Variants in SLC26A2 observed in about 807,000 individuals in gnomAD.
The protein encoded by SLC26A2 is sulfate transporter.
Under a neutral mutation model 41.1 loss-of-function variants are expected in SLC26A2, and 36 were observed. The observed-to-expected ratio is 0.88, with a 90% CI of 0.67 to 1.16. The LOEUF (loss-of-function observed/expected upper bound fraction) is 1.16, where lower values mean the gene tolerates loss of function less well. Ranked by LOEUF, SLC26A2 falls within the 50% of genes most tolerant of loss-of-function variation. The pLI is 0.00. For missense variants in SLC26A2, 796 were observed against 869.6 expected (o/e 0.92, Z 1.07); for synonymous variants, 291 against 311.6 (o/e 0.93, Z 0.70).
In SLC26A2 at chr5:149,982,806, G is replaced by A. The variant is rs1156427067; in HGVS notation, c.*993G>A. On this transcript the variant is annotated 3_prime_UTR_variant, in exon 3 of 3. Transcript: ENST00000286298. ...AGTCACCTAAAGCTATTATGCAGGAGGATTTAGAAGTCACATTCATAAAAC... is the reference window on the plus strand; with the variant it reads ...AGTCACCTAAAGCTATTATGCAGGAAGATTTAGAAGTCACATTCATAAAAC... 6.6e-6 allele frequency: 1 copy of A among 152,096 alleles called. No homozygotes were observed. The highest frequency in any genetic ancestry group is 1.5e-5 in the Non-Finnish European group (1 of 68,028). The allele number at this position is 152,096 out of a possible 1,614,324, so 9.4% of individuals were successfully genotyped here. A position where few individuals can be genotyped will look rare whatever the true frequency, so the allele number is the denominator to read the frequency against.
In SLC26A2 at chr5:149,986,336, C is replaced by T. The variant is rs1401042870; in HGVS notation, c.*4523C>T. On this transcript the variant is annotated 3_prime_UTR_variant, in exon 3 of 3. Coordinates refer to ENST00000286298, the MANE Select transcript of SLC26A2 (RefSeq NM_000112.4). ...CAATCATTAACTTGGTTGCTAATTA[C>T]AAGAATGAAAATTATAATGGAAAAG... 4 of 151,072 alleles carry T rather than the reference C, an allele frequency of 2.6e-5. No homozygotes were observed. The highest frequency in any genetic ancestry group is 5.9e-5 in the Non-Finnish European group (4 of 67,832). The allele number at this position is 151,072 out of a possible 1,614,324, so 9.4% of individuals were successfully genotyped here.
chr5:149,980,727 A>C lies in SLC26A2; in HGVS notation c.1134A>C (p.Leu378=), dbSNP rs760557912. 1 of 1,613,880 alleles carries C rather than the reference A, an allele frequency of 6.2e-7. No homozygotes were observed. Among genetic ancestry groups the C allele is most frequent in the Non-Finnish European group, 8.5e-7 (1 of 1,179,912 alleles). ...FMPPKVPEWN[L]IPSVAVDAIA... ...CACCCAAAGTACCAGAATGGAACCTAATTCCTAGTGTGGCTGTAGATGCAA... is the reference window on the plus strand; with the variant it reads ...CACCCAAAGTACCAGAATGGAACCTCATTCCTAGTGTGGCTGTAGATGCAA... Residue 378 remains leucine, a synonymous_variant, in exon 3 of 3, where the codon CTA becomes CTC. Coordinates refer to ENST00000286298, the MANE Select transcript of SLC26A2 (RefSeq NM_000112.4).
In SLC26A2 at chr5:149,984,217, C is replaced by G. The variant is rs1755154094; in HGVS notation, c.*2404C>G. The G allele has an allele frequency of 6.6e-6, 1 of 152,242 alleles. No individual in the cohort carries two copies. Among genetic ancestry groups the G allele is most frequent in the Admixed American group, 6.5e-5 (1 of 15,282 alleles). The allele number at this position is 152,242 out of a possible 1,614,324, so 9.4% of individuals were successfully genotyped here. A position where few individuals can be genotyped will look rare whatever the true frequency, so the allele number is the denominator to read the frequency against. On this transcript the variant is annotated 3_prime_UTR_variant, in exon 3 of 3. Coordinates refer to ENST00000286298, the MANE Select transcript of SLC26A2 (RefSeq NM_000112.4). ...AAGAGATTCTGCTTTTGGTAGCCAT[C>G]TGTAGAAACATTTAAGATGTCACTA...
chr5:149,962,590 T>C (rs926553684), intron 1 of SLC26A2, among the ~76,000 whole-genome samples: 1 of 152,178 alleles, frequency 6.6e-6, no homozygotes, highest in Non-Finnish European at 1.5e-5. Flanking sequence ...CCTCCTGCCT[T>C]GGCCTTCCAA....
rs1755020721 is a variant in SLC26A2 at position 149,977,898 on chromosome 5, A to T, written c.246A>T (p.Pro82=). The change falls in exon 2 of 3, where the codon CCA becomes CCT. Residue 82 remains proline (P), a synonymous_variant. Transcript: ENST00000286298. The stretch of plus-strand genomic sequence containing the variant: ...TGCAGAAGAATTGCCAGTGCAGTCC[A>T]GCCAAAGCCAAAAATATGATTTTAG... The part of the protein sequence containing the change: ...KKLQKNCQCS[P]AKAKNMILGF... The T allele has an allele frequency of 6.2e-7, 1 of 1,614,138 alleles. No individual in the cohort carries two copies. The highest frequency in any genetic ancestry group is 8.5e-7 in the Non-Finnish European group (1 of 1,180,034).
At chr5:149,970,330 A>G (rs911990880) in intron 1 of SLC26A2, among the ~76,000 whole-genome samples, 12 of 152,130 alleles carry the variant, frequency 7.9e-5, no homozygotes, top group Admixed American at 2.0e-4. Context: ...AAACATAGCA[A>G]GACCCTGTCT....
Position 149,985,194 on chromosome 5 carries a change from TGAG to T in SLC26A2, c.*3385_*3387del, listed in dbSNP as rs1214486801. On this transcript the variant is annotated 3_prime_UTR_variant, in exon 3 of 3. Transcript: ENST00000286298. ...ACAGATTCACCAAAGCTGAAAGGGC[TGAG>T]GAGCTCATGGTAGCCTGGGCTGACC... is the stretch of plus-strand genomic sequence containing the variant. 1 of 152,250 alleles carries T rather than the reference TGAG, an allele frequency of 6.6e-6. No homozygotes were observed. The highest frequency in any genetic ancestry group is 2.4e-5 in the African/African-American group (1 of 41,450). The allele number at this position is 152,250 out of a possible 1,614,324, so 9.4% of individuals were successfully genotyped here.
rs1427588108 is a variant in SLC26A2, at chr5:149,982,800, G to A, written c.*987G>A. On this transcript the variant is annotated 3_prime_UTR_variant, in exon 3 of 3. Coordinates refer to ENST00000286298, the MANE Select transcript of SLC26A2 (RefSeq NM_000112.4). ...TCTTCAAGTCACCTAAAGCTATTATGCAGGAGGATTTAGAAGTCACATTCA... is the reference window on the plus strand; with the variant it reads ...TCTTCAAGTCACCTAAAGCTATTATACAGGAGGATTTAGAAGTCACATTCA... 6.6e-6 allele frequency: 1 copy of A among 152,188 alleles called. No homozygotes were observed. The highest frequency in any genetic ancestry group is 2.4e-5 in the African/African-American group (1 of 41,442). The allele number at this position is 152,188 out of a possible 1,614,324, so 9.4% of individuals were successfully genotyped here.
intron 1 of SLC26A2, among the ~76,000 whole-genome samples, chr5:149,971,589 G>A (rs1009941891): frequency 3.3e-5 from 5 of 151,970 alleles, no homozygotes; most frequent in African/African-American, 1.2e-4. Flanking sequence ...TAGTAGAAAT[G>A]GGTTTTCATC....
At position 149,981,895 on chromosome 5, in the gene SLC26A2, T is replaced by C; in HGVS notation, c.*82T>C. On this transcript the variant is annotated 3_prime_UTR_variant, in exon 3 of 3. Transcript: ENST00000286298. ...CATTTCCCAGTTCCACAGTGGGAAA[T>C]TTTGCACACTTGAAATTTTAACCAA... 1 of 1,089,154 alleles carries C rather than the reference T, an allele frequency of 9.2e-7. No individual in the cohort carries two copies. The highest frequency in any genetic ancestry group is 1.4e-6 in the Non-Finnish European group (1 of 738,392). The allele number at this position is 1,089,154 out of a possible 1,614,324, so 67.5% of individuals were successfully genotyped here.
chr5:149,961,039 C>G (rs1018835598), intron 1 of SLC26A2, 60 bp downstream of exon 1: 45 of 152,266 alleles, frequency 3.0e-4, no homozygotes, highest in African/African-American at 1.1e-3. Flanking sequence ...GCCAAGCGGT[C>G]AGCGGGCCCC....
At chr5:149,971,085 T>C (rs245076) in intron 1 of SLC26A2, among the ~76,000 whole-genome samples, 41,509 of 152,144 alleles carry the variant, frequency 0.27, 5,713 homozygotes, top group South Asian at 0.41. Flanking sequence ...CAGGCCCATT[T>C]AACACAGATG....
chr5:149,962,470 C>A (rs1266613202), intron 1 of SLC26A2, among the ~76,000 whole-genome samples: 1 of 151,944 alleles, frequency 6.6e-6, no homozygotes, highest in African/African-American at 2.4e-5. Flanking sequence ...TCCTGAGTAG[C>A]TGGAACCACA....
At position 149,977,729 on chromosome 5, in the gene SLC26A2, G is replaced by T; in HGVS notation, c.77G>T (p.Gly26Val). The T allele has an allele frequency of 6.2e-7, 1 of 1,613,926 alleles. No homozygotes were observed. The highest frequency in any genetic ancestry group is 8.5e-7 in the Non-Finnish European group (1 of 1,179,876). Residue 26 changes from glycine (G) to valine (V), a missense_variant, in exon 2 of 3, where the codon GGG becomes GTG. Transcript: ENST00000286298. ...SAEGNDSYPS[G>V]IHLELQRESS... is the part of the protein sequence containing the mutation. ...GAAGGAAATGACAGTTATCCATCTG[G>T]GATCCATCTGGAACTTCAAAGGGAA... is the stretch of plus-strand genomic sequence containing the variant.
intron 2 of SLC26A2, among the ~76,000 whole-genome samples, chr5:149,979,708 C>A (rs1312726622): frequency 1.4e-5 from 2 of 146,040 alleles, no homozygotes; most frequent in African/African-American, 5.1e-5. Context: ...AGAATGGTTT[C>A]TTAGTATGAG....
chr5:149,978,986 G>T (rs561326567), intron 2 of SLC26A2, among the ~76,000 whole-genome samples: 6 of 152,038 alleles, frequency 3.9e-5, no homozygotes, highest in Non-Finnish European at 8.8e-5. Context: ...CCAAAGTGCT[G>T]GGATTATAGC....
At chr5:149,971,769 T>C (rs187601041) in intron 1 of SLC26A2, among the ~76,000 whole-genome samples, 1 of 152,348 alleles carries the variant, frequency 6.6e-6, no homozygotes, top group East Asian at 1.9e-4. Flanking sequence ...AAATATTAGT[T>C]GCTTTAGTGG....
intron 1 of SLC26A2, among the ~76,000 whole-genome samples, chr5:149,964,941 A>C (rs1039513427): frequency 6.6e-6 from 1 of 152,224 alleles, no homozygotes; most frequent in Middle Eastern, 3.2e-3. Context: ...TTAAGGCTGA[A>C]CTATGCCTGC....
At position 149,981,559 on chromosome 5, in the gene SLC26A2, A is replaced by C. The variant is rs751334225; in HGVS notation, c.1966A>C (p.Ile656Leu). 1.2e-6 allele frequency: 2 copies of C among 1,613,996 alleles called. No homozygotes were observed. The highest frequency in any genetic ancestry group is 1.7e-6 in the Non-Finnish European group (2 of 1,179,968). ...LHTIVIDCSAIQFLDTAGIHT... is the reference protein window; with the variant it reads ...LHTIVIDCSALQFLDTAGIHT... ...TACTATAGTGATTGACTGCAGTGCA[A>C]TTCAATTTTTAGATACAGCAGGGAT... Residue 656 changes from isoleucine (I) to leucine (L), a missense_variant, in exon 3 of 3, where the codon ATT becomes CTT. Coordinates refer to ENST00000286298, the MANE Select transcript of SLC26A2 (RefSeq NM_000112.4).
Sources: gnomAD v4.1 joint callset for allele counts (sites outside exome capture counted in the v4.1 genomes callset) on GRCh38, gnomAD v4.1.1 for gene constraint, MANE v1.5 for transcripts, NCBI Gene and HGNC (gene_info 2026-07-23, HGNC 2026-07-21) for gene names.